The following F2 variants were observed in gnomAD, a reference collection of about 807,000 sequenced individuals.
The protein encoded by F2 is prothrombin.
In F2, 34 loss-of-function variants were observed where a neutral mutation model predicts 81.9. That is an observed-to-expected ratio of 0.42 (90% CI 0.32 to 0.55). The LOEUF is 0.55. Among genes scored for constraint, F2 ranks in the 20% least tolerant of loss-of-function variants. The pLI, the probability that F2 is intolerant of heterozygous loss-of-function variation, is 0.18. For missense variants in F2, 630 were observed against 833.4 expected, an observed-to-expected ratio of 0.76 and a Z score of 3.00; for synonymous variants, 296 against 326.4, an observed-to-expected ratio of 0.91 and a Z score of 1.01.
At position 46,728,018 on chromosome 11, in the gene F2, A is replaced by T. The variant is rs767103483; in HGVS notation, c.1153A>T (p.Ser385Cys). Residue 385 changes from serine (S) to cysteine (C), a missense_variant, in exon 10 of 14, where the codon AGT becomes TGT. Transcript: ENST00000311907. The surrounding 1 kb of genome is among the most constrained non-coding windows in gnomAD (Gnocchi z 5.1). The stretch of plus-strand genomic sequence containing the variant: ...CAGGCAGGTGATGCTTTTCCGGAAG[A>T]GTCCCCAGGAGCTGCTGTGTGGGGC... The part of the protein sequence containing the change: ...SPWQVMLFRK[S>C]PQELLCGASL... The T allele has an allele frequency of 5.0e-6, 8 of 1,610,836 alleles. No homozygotes were observed. Among genetic ancestry groups the T allele is most frequent in the Non-Finnish European group, 8.5e-7 (1 of 1,179,120 alleles).
intron 9 of F2, among the ~76,000 whole-genome samples, chr11:46,727,220 C>A (rs2064880410): frequency 6.6e-6 from 1 of 152,084 alleles, no homozygotes; most frequent in South Asian, 2.1e-4. Context: ...CAGGGTTTCA[C>A]CATGTTGGCC....
chr11:46,736,252 A>ACCTTTAT lies in F2; in HGVS notation c.1655-2794_1655-2788dup, dbSNP rs3136493. On this transcript the variant is annotated intron_variant, in intron 12 of 13. Coordinates refer to ENST00000311907, the MANE Select transcript of F2 (RefSeq NM_000506.5). ...CTTTGAACTAGTGATTTGAGATTTC[A>ACCTTTAT]CCTTTATCACATTCTAGATTGTATC... Among the ~76,000 whole-genome samples, 955 of 152,254 alleles carry ACCTTTAT rather than the reference A, an allele frequency of 6.3e-3. 11 individuals are homozygous for ACCTTTAT. Among genetic ancestry groups the ACCTTTAT allele is most frequent in the African/African-American group, 0.022 (911 of 41,536 alleles).
Position 46,729,448 on chromosome 11 carries a change from A to T in F2, c.1541A>T (p.Asn514Ile), listed in dbSNP as rs144011338. ...AACCTGAAGGAGACGTGGACAGCCA[A>T]CGTTGGTAAGGGGCAGCCCAGTGTC... is the stretch of plus-strand genomic sequence containing the variant. ...WGNLKETWTA[N>I]VGKGQPSVLQ... The change falls in exon 12 of 14, where the codon AAC (asparagine) becomes ATC (isoleucine). Residue 514 changes from asparagine (N) to isoleucine (I), a missense_variant. Transcript: ENST00000311907. 1.9e-6 allele frequency: 3 copies of T among 1,614,162 alleles called. No individual in the cohort carries two copies. Among genetic ancestry groups the T allele is most frequent in the Non-Finnish European group, 2.5e-6 (3 of 1,180,028 alleles).
At chr11:46,729,067 G>A (rs2064894148) in intron 11 of F2, among the ~76,000 whole-genome samples, 1 of 152,096 alleles carries the variant, frequency 6.6e-6, no homozygotes, top group Non-Finnish European at 1.5e-5. Flanking sequence ...TGCGATCTTG[G>A]CTCACTGCAA....
intron 4 of F2, among the ~76,000 whole-genome samples, chr11:46,722,408 A>C (rs900878478): frequency 6.6e-6 from 1 of 151,078 alleles, no homozygotes; most frequent in Non-Finnish European, 1.5e-5. Context: ...AACATAGTGA[A>C]ACCCCCAACC....
At chr11:46,725,243 A>G (rs2064864570) in intron 6 of F2, among the ~76,000 whole-genome samples, 2 of 145,518 alleles carry the variant, frequency 1.4e-5, no homozygotes, top group African/African-American at 5.2e-5. Context: ...TAATTTTTGT[A>G]TTTTTAGTAG....
At position 46,719,535 on chromosome 11, in the gene F2, G is replaced by C; in HGVS notation, c.80-167G>C. The C allele has an allele frequency of 1.0e-6, 1 of 977,364 alleles. No homozygotes were observed. Among genetic ancestry groups the C allele is most frequent in the Non-Finnish European group, 1.5e-6 (1 of 648,256 alleles). The allele number at this position is 977,364 out of a possible 1,614,324, so 60.5% of individuals were successfully genotyped here. ...AGGCTGGGGGCAAGGGGCAGTGTAG[G>C]AGGGGCACAGGGGGCCACATTTAGC... On this transcript the variant is annotated intron_variant, in intron 1 of 13. Transcript: ENST00000311907. The surrounding 1 kb of genome is among the most constrained non-coding windows in gnomAD (Gnocchi z 4.7).
chr11:46,739,006 ATG>A, intron 12 of F2, 40 bp from the exon 13 acceptor site: 1 of 1,607,990 alleles, frequency 6.2e-7, no homozygotes, highest in Non-Finnish European at 8.5e-7. Flanking sequence ...TGGCTGGGCT[ATG>A]AGCTATGCTC....
At chr11:46,729,308 A>G (rs2064895729) in intron 11 of F2, 72 bp from the exon 12 acceptor site, 2 of 1,533,566 alleles carry the variant, frequency 1.3e-6, no homozygotes, top group African/African-American at 1.4e-5. Flanking sequence ...TCTGGTCTCT[A>G]AGAAATGGCG....
intron 4 of F2, 67 bp downstream of exon 4, chr11:46,720,907 G>A: frequency 1.9e-6 from 3 of 1,589,868 alleles, no homozygotes; most frequent in African/African-American, 1.3e-5. Context: ...GCTCAGGGGT[G>A]GGTTTGGAGT....
rs1412402585 is a variant in F2 at position 46,719,383 on chromosome 11, T to C, written c.79+69T>C. On this transcript the variant is annotated intron_variant, in intron 1 of 13. Coordinates refer to ENST00000311907, the MANE Select transcript of F2 (RefSeq NM_000506.5). This position sits in a 1 kb window ranked among gnomAD's most constrained non-coding sequence, Gnocchi z 4.7. ...TGTGGGCCCATGGGCTGGGGTCTCC[T>C]GGCTGGACAGAGCACACAGAGCTGG... is the stretch of plus-strand genomic sequence containing the variant. 2.0e-6 allele frequency: 3 copies of C among 1,533,462 alleles called. No individual in the cohort carries two copies. In the East Asian group the frequency reaches 7.1e-5, roughly 37 times the overall value. The allele number at this position is 1,533,462 out of a possible 1,614,324, so 95.0% of individuals were successfully genotyped here. A position where few individuals can be genotyped will look rare whatever the true frequency, so the allele number is the denominator to read the frequency against.
intron 4 of F2, 42 bp downstream of exon 4, chr11:46,720,882 G>T (rs759667800): frequency 6.2e-7 from 1 of 1,611,912 alleles, no homozygotes; most frequent in Non-Finnish European, 8.5e-7. Flanking sequence ...ACATGGAGGG[G>T]AGCCTGGGAG....
In F2 at chr11:46,723,184, C is replaced by T. The variant is rs772229855; in HGVS notation, c.321C>T (p.Asn107=). Residue 107 remains asparagine, a synonymous_variant, in exon 5 of 14, where the codon AAC becomes AAT. Coordinates refer to ENST00000311907, the MANE Select transcript of F2 (RefSeq NM_000506.5). The surrounding 1 kb of genome is among the most constrained non-coding windows in gnomAD (Gnocchi z 5.6). ...ACCGGGGTGGGGTCTCCGCAGGTAA[C>T]TGTGCTGAGGGTCTGGGTACGAACT... The part of the protein sequence containing the change: ...RDKLAACLEG[N]CAEGLGTNYR... The T allele has an allele frequency of 2.5e-6, 4 of 1,613,832 alleles. No homozygotes were observed. Among genetic ancestry groups the T allele is most frequent in the Non-Finnish European group, 3.4e-6 (4 of 1,179,996 alleles).
chr11:46,722,697 G>A (rs1320589704), intron 4 of F2, among the ~76,000 whole-genome samples: 1 of 152,270 alleles, frequency 6.6e-6, no homozygotes, highest in Non-Finnish European at 1.5e-5. Context: ...AGAAAAATGA[G>A]AGATGGCTTC....
intron 6 of F2, among the ~76,000 whole-genome samples, chr11:46,724,140 C>G (rs2064857179): frequency 6.6e-6 from 1 of 152,184 alleles, no homozygotes; most frequent in South Asian, 2.1e-4. Context: ...GTCCACACAC[C>G]CTGTTCTGAG....
intron 12 of F2, 44 bp downstream of exon 12, chr11:46,729,605 C>T: frequency 6.3e-7 from 1 of 1,593,750 alleles, no homozygotes; most frequent in South Asian, 1.1e-5. Flanking sequence ...GGGGCCCAAG[C>T]TGGGAGAACT....
intron 13 of F2, 70 bp downstream of exon 13, chr11:46,739,188 G>GAAAC: frequency 6.2e-7 from 1 of 1,613,608 alleles, no homozygotes; most frequent in South Asian, 1.1e-5. Context: ...CTAGTATCTA[G>GAAAC]AAACAGTTGC....
At position 46,739,064 on chromosome 11, in the gene F2, A is replaced by T; in HGVS notation, c.1671A>T (p.Glu557Asp). 1 of 1,614,198 alleles carries T rather than the reference A, an allele frequency of 6.2e-7. No individual in the cohort carries two copies. The highest frequency in any genetic ancestry group is 8.5e-7 in the Non-Finnish European group (1 of 1,180,032). Residue 557 changes from glutamate (E) to aspartate (D), a missense_variant, in exon 13 of 14, where the codon GAA (glutamate) becomes GAT (aspartate). Glu to Asp is a conservative substitution (Grantham distance 45). Coordinates refer to ENST00000311907, the MANE Select transcript of F2 (RefSeq NM_000506.5). ...NMFCAGYKPD[E>D]GKRGDACEGD... ...TCTTTCAAGGTTACAAGCCTGATGAAGGGAAACGAGGGGATGCCTGTGAAG... is the reference window on the plus strand; with the variant it reads ...TCTTTCAAGGTTACAAGCCTGATGATGGGAAACGAGGGGATGCCTGTGAAG...
intron 12 of F2, among the ~76,000 whole-genome samples, chr11:46,732,205 C>CCGT (rs2064917693): frequency 6.6e-6 from 1 of 152,002 alleles, no homozygotes; most frequent in Non-Finnish European, 1.5e-5. Flanking sequence ...TGAGCCAATA[C>CCGT]GCCTGGCCTA....
Sources: allele counts gnomAD v4.1 joint callset (sites outside exome capture counted in the v4.1 genomes callset), GRCh38; gene constraint gnomAD v4.1.1; non-coding constraint Gnocchi (gnomAD v3.1); transcripts MANE v1.5; gene names NCBI Gene and HGNC (gene_info 2026-07-23, HGNC 2026-07-21).